The following TMEM161B variants were observed in gnomAD, a reference collection of about 807,000 sequenced individuals.
The protein encoded by TMEM161B is transmembrane protein 161B.
In TMEM161B, 34 loss-of-function variants were observed where a neutral mutation model predicts 61.8. The observed-to-expected ratio is 0.55, with a 90% CI of 0.42 to 0.73. The LOEUF (loss-of-function observed/expected upper bound fraction) is 0.73, where lower values mean the gene tolerates loss of function less well. TMEM161B is among the 30% of genes least tolerant of loss of function. The probability of loss-of-function intolerance (pLI) is 0.00; values close to 1 mark genes in which losing one functional copy is unlikely to be tolerated. For missense variants in TMEM161B, 456 were observed against 558.5 expected (o/e 0.82, Z 1.85); for synonymous variants, 167 against 192.8 (o/e 0.87, Z 1.11).
At chr5:88,187,065 A>G (rs1291551741), downstream of TMEM161B, among the ~76,000 whole-genome samples, 1 of 152,176 alleles carries the variant, frequency 6.6e-6, no homozygotes, top group Non-Finnish European at 1.5e-5. Context: ...ATTGAGGTTC[A>G]TTTTTTTAAA....
chr5:88,213,309 A>C (rs1258623978), intron 5 of TMEM161B, among the ~76,000 whole-genome samples: 1 of 152,146 alleles, frequency 6.6e-6, no homozygotes. Context: ...CCAATGTTAA[A>C]AAAAATTTTT....
intron 1 of TMEM161B, chr5:88,250,952 A>G (rs758851626): frequency 6.6e-6 from 1 of 152,180 alleles, no homozygotes; most frequent in Non-Finnish European, 1.5e-5. Flanking sequence ...ACTGCAATAA[A>G]GAGTTTAATT....
chr5:88,268,578 T>C lies in TMEM161B; in HGVS notation c.3+143A>G, dbSNP rs765944778. The C allele has an allele frequency of 3.7e-5, 40 of 1,094,978 alleles. No homozygotes were observed. In the Middle Eastern group the frequency reaches 6.2e-4, roughly 17 times the overall value. The allele number at this position is 1,094,978 out of a possible 1,614,324, so 67.8% of individuals were successfully genotyped here. A position where few individuals can be genotyped will look rare whatever the true frequency, so the allele number is the denominator to read the frequency against. ...CCTCAGGGGCTCAGACACCCTGAGA[T>C]AGGTGGTGGGTCCTACCCAGCAGCT... On this transcript the variant is annotated intron_variant, in intron 1 of 11. Transcript: ENST00000296595.
chr5:88,248,118 G>C (rs1753862893), intron 1 of TMEM161B, among the ~76,000 whole-genome samples: 1 of 152,052 alleles, frequency 6.6e-6, no homozygotes, highest in African/African-American at 2.4e-5. Flanking sequence ...GAAAGATCCA[G>C]ATAAAAATCA....
chr5:88,235,051 A>G (rs994390972), intron 2 of TMEM161B, among the ~76,000 whole-genome samples: 47 of 152,326 alleles, frequency 3.1e-4, no homozygotes, highest in African/African-American at 9.1e-4. Context: ...GTACTCTACT[A>G]AATTAATTTC....
chr5:88,204,363 A>G (rs1362291869), intron 8 of TMEM161B, among the ~76,000 whole-genome samples: 2 of 152,188 alleles, frequency 1.3e-5, no homozygotes, highest in Admixed American at 1.3e-4. Flanking sequence ...TCTTAAAATG[A>G]AGCCACATTT....
chr5:88,244,779 G>T (rs1334609126), intron 1 of TMEM161B, among the ~76,000 whole-genome samples: 1 of 151,752 alleles, frequency 6.6e-6, no homozygotes, highest in Non-Finnish European at 1.5e-5. Flanking sequence ...CAAGAGCATG[G>T]AATTCTTTTC....
intron 2 of TMEM161B, among the ~76,000 whole-genome samples, chr5:88,231,720 G>C (rs1375601036): frequency 6.6e-6 from 1 of 152,142 alleles, no homozygotes; most frequent in Non-Finnish European, 1.5e-5. Context: ...TTAACTTACA[G>C]AATTGATTCT....
chr5:88,195,951 G>T lies in TMEM161B; in HGVS notation c.*260C>A, dbSNP rs1414864986. ...GGTAATCAGAAATATTACCCTTGTA[G>T]ATAGCCCTCTCATACCAGTAAATAC... On this transcript the variant is annotated 3_prime_UTR_variant, in exon 12 of 12. Coordinates refer to ENST00000296595, the MANE Select transcript of TMEM161B (RefSeq NM_153354.5). 6 of 1,210,704 alleles carry T rather than the reference G, an allele frequency of 5.0e-6. No homozygotes were observed. The highest frequency in any genetic ancestry group is 6.2e-6 in the Non-Finnish European group (6 of 970,794). The allele number at this position is 1,210,704 out of a possible 1,614,324, so 75.0% of individuals were successfully genotyped here. A position where few individuals can be genotyped will look rare whatever the true frequency, so the allele number is the denominator to read the frequency against.
intron 4 of TMEM161B, 34 bp from the exon 5 acceptor site, chr5:88,220,753 G>GT: frequency 8.0e-7 from 1 of 1,255,264 alleles, no homozygotes; most frequent in Non-Finnish European, 1.1e-6. Context: ...AAAAAAAAAG[G>GT]TCAAAAAAAA....
intron 5 of TMEM161B, among the ~76,000 whole-genome samples, chr5:88,217,604 G>A (rs1209127948): frequency 6.6e-6 from 1 of 151,820 alleles, no homozygotes; most frequent in Non-Finnish European, 1.5e-5. Flanking sequence ...AATAATAGGA[G>A]GTATTAGAAA....
chr5:88,256,974 T>A (rs1352887506), intron 1 of TMEM161B, among the ~76,000 whole-genome samples: 1 of 152,242 alleles, frequency 6.6e-6, no homozygotes, highest in African/African-American at 2.4e-5. Context: ...AGCTTTGTGT[T>A]ACAAATACTT....
intron 2 of TMEM161B, among the ~76,000 whole-genome samples, chr5:88,229,151 C>T (rs1031640885): frequency 2.6e-5 from 4 of 152,312 alleles, no homozygotes; most frequent in Non-Finnish European, 4.4e-5. Flanking sequence ...TGAAGAAATA[C>T]TCACGATCCA....
intron 9 of TMEM161B, 193 bp from the exon 10 acceptor site, chr5:88,199,343 A>G (rs1354187960): frequency 2.2e-6 from 1 of 450,112 alleles, no homozygotes; most frequent in African/African-American, 2.0e-5. Context: ...AGATAAATGT[A>G]TCATGAAAGC....
intron 3 of TMEM161B, among the ~76,000 whole-genome samples, chr5:88,226,817 C>T (rs978658863): frequency 3.9e-5 from 6 of 152,108 alleles, no homozygotes; most frequent in Non-Finnish European, 8.8e-5. Context: ...CATTACAAGG[C>T]ATTATAATAA....
chr5:88,252,102 T>G (rs1366460645), intron 1 of TMEM161B, among the ~76,000 whole-genome samples: 2 of 152,296 alleles, frequency 1.3e-5, no homozygotes, highest in Admixed American at 6.5e-5. Flanking sequence ...GTTGTAGAAT[T>G]TTTTTAAATT....
intron 9 of TMEM161B, chr5:88,201,932 AAAG>A (rs1162792069): frequency 5.3e-5 from 12 of 225,262 alleles, no homozygotes; most frequent in Non-Finnish European, 8.3e-5. Flanking sequence ...CCAGGATCTA[AAAG>A]AAGGACACAA....
At chr5:88,213,230 CTAAAAA>C (rs1194932106) in intron 5 of TMEM161B, among the ~76,000 whole-genome samples, 1 of 151,826 alleles carries the variant, frequency 6.6e-6, no homozygotes, top group Non-Finnish European at 1.5e-5. Flanking sequence ...ACACTGAAAA[CTAAAAA>C]TAAGTACATT....
At chr5:88,236,678 T>C (rs911810450) in intron 2 of TMEM161B, among the ~76,000 whole-genome samples, 1 of 152,208 alleles carries the variant, frequency 6.6e-6, no homozygotes, top group African/African-American at 2.4e-5. Flanking sequence ...GGGCATTAGA[T>C]TCTTAAACTC....
Sources: gnomAD v4.1 joint callset for allele counts (sites outside exome capture counted in the v4.1 genomes callset) on GRCh38, gnomAD v4.1.1 for gene constraint, MANE v1.5 for transcripts, NCBI Gene and HGNC (gene_info 2026-07-23, HGNC 2026-07-21) for gene names.